The following ITSN2 variants were observed in gnomAD, a reference collection of about 807,000 sequenced individuals.
The protein encoded by ITSN2 is intersectin 2, also known as intersectin-2.
ITSN2 carries 156 observed loss-of-function variants against 243.7 expected under a neutral mutation model. The ratio of observed to expected loss-of-function variants is 0.64; its 90% CI spans 0.56 to 0.73. The LOEUF is 0.73. Among genes scored for constraint, ITSN2 ranks in the 30% least tolerant of loss-of-function variants. ITSN2 has a pLI of 0.00. For missense variants in ITSN2, 1,801 were observed against 1,996.1 expected (o/e 0.90, Z 1.86); for synonymous variants, 703 against 699.9 (o/e 1.00, Z -0.07).
chr2:24,300,945 C>G (rs1202527294), intron 11 of ITSN2, among the ~76,000 whole-genome samples: 1 of 152,186 alleles, frequency 6.6e-6, no homozygotes, highest in South Asian at 2.1e-4. Flanking sequence ...CTGTCAAATA[C>G]ATCTAACTGT....
intron 29 of ITSN2, among the ~76,000 whole-genome samples, chr2:24,228,859 A>T (rs1447732090): frequency 6.6e-6 from 1 of 152,240 alleles, no homozygotes; most frequent in African/African-American, 2.4e-5. Context: ...CAGTGAAAAG[A>T]GAGGCTCTGG....
chr2:24,339,786 G>A (rs554677513), intron 1 of ITSN2, among the ~76,000 whole-genome samples: 4 of 152,234 alleles, frequency 2.6e-5, no homozygotes, highest in African/African-American at 9.6e-5. Flanking sequence ...CAGCACTTTG[G>A]GAGGCCACAG....
At chr2:24,218,748 A>C (rs1205230740) in intron 30 of ITSN2, among the ~76,000 whole-genome samples, 1 of 152,234 alleles carries the variant, frequency 6.6e-6, no homozygotes, top group African/African-American at 2.4e-5. Flanking sequence ...TGAAAGGCCT[A>C]GGACTAAAAT....
At chr2:24,278,490 G>A (rs1389785302) in intron 17 of ITSN2, among the ~76,000 whole-genome samples, 2 of 152,082 alleles carry the variant, frequency 1.3e-5, no homozygotes, top group Admixed American at 6.5e-5. Context: ...AGCTTGCCAA[G>A]TATTTCCTCT....
Position 24,217,994 on chromosome 2 carries a change from G to C in ITSN2, c.3719C>G (p.Ala1240Gly), listed in dbSNP as rs1429251935. Residue 1240 changes from alanine to glycine, a missense_variant, in exon 31 of 40, where the codon GCA becomes GGA. Transcript: ENST00000355123. ...CCCTTCAGTGAGAAAGCCTGACTCT[G>C]CCATGCGTTTCTGAAAAACCTAAAG... The part of the protein sequence containing the change: ...LVVEVFQKRM[A>G]ESGFLTEGEM... 6.2e-7 allele frequency: 1 copy of C among 1,613,642 alleles called. No individual in the cohort carries two copies. The highest frequency in any genetic ancestry group is 1.3e-5 in the African/African-American group (1 of 74,920).
intron 1 of ITSN2, among the ~76,000 whole-genome samples, chr2:24,344,943 C>A (rs1687386162): frequency 6.6e-6 from 1 of 151,952 alleles, no homozygotes. Flanking sequence ...TAGAGTGAGA[C>A]TACATTTCAA....
intron 1 of ITSN2, among the ~76,000 whole-genome samples, chr2:24,351,049 C>T (rs1687979418): frequency 6.6e-6 from 1 of 152,298 alleles, no homozygotes; most frequent in African/African-American, 2.4e-5. Context: ...ACGTGACATA[C>T]AAGGTGTTTT....
In ITSN2 at chr2:24,313,516, T is replaced by C. The variant is rs747130333; in HGVS notation, c.132A>G (p.Gln44=). 2.5e-6 allele frequency: 4 copies of C among 1,613,262 alleles called. No homozygotes were observed. Among genetic ancestry groups the C allele is most frequent in the Admixed American group, 3.3e-5 (2 of 59,994 alleles). The change falls in exon 4 of 40, where the codon CAA becomes CAG. Residue 44 remains glutamine (Q), a synonymous_variant. Coordinates refer to ENST00000355123, the MANE Select transcript of ITSN2 (RefSeq NM_006277.3). ...CTGATTGTAGGAAAAAATTACGTGC[T>C]TGATCACCTGGAGGTAATAAAAACA... ...KPSGGYITGD[Q]ARNFFLQSGL...
chr2:24,346,860 C>CTTTT (rs10534968), intron 1 of ITSN2, among the ~76,000 whole-genome samples: 1 of 86,340 alleles, frequency 1.2e-5, no homozygotes, highest in Non-Finnish European at 2.2e-5. Flanking sequence ...GGAAATTTAT[C>CTTTT]TTTTTTTTTT....
chr2:24,220,302 G>A (rs1010975850), intron 30 of ITSN2: 68 of 984,280 alleles, frequency 6.9e-5, no homozygotes, highest in Non-Finnish European at 7.7e-5. Flanking sequence ...GAACTGAAAG[G>A]CATGGAAACA....
At chr2:24,229,638 A>T (rs1226843538) in intron 29 of ITSN2, among the ~76,000 whole-genome samples, 2 of 152,164 alleles carry the variant, frequency 1.3e-5, no homozygotes, top group Non-Finnish European at 2.9e-5. Context: ...ACACCAAGGA[A>T]TCAATATTAC....
At chr2:24,313,120 G>A (rs994957480) in intron 4 of ITSN2, among the ~76,000 whole-genome samples, 1 of 128,560 alleles carries the variant, frequency 7.8e-6, no homozygotes, top group Non-Finnish European at 1.6e-5. Context: ...GTCTCATTCT[G>A]TCATCCAGGC....
intron 29 of ITSN2, among the ~76,000 whole-genome samples, chr2:24,235,459 T>A (rs943385831): frequency 1.3e-5 from 2 of 152,178 alleles, no homozygotes; most frequent in African/African-American, 2.4e-5. Flanking sequence ...GCACCAAGAC[T>A]GAACCCTAAT....
intron 17 of ITSN2, among the ~76,000 whole-genome samples, chr2:24,276,694 C>T (rs1678052478): frequency 6.6e-6 from 1 of 152,224 alleles, no homozygotes; most frequent in African/African-American, 2.4e-5. Flanking sequence ...CAGAGCTCCT[C>T]CCATTCCCAT....
intron 2 of ITSN2, among the ~76,000 whole-genome samples, chr2:24,322,656 T>C (rs1684714199): frequency 6.6e-6 from 1 of 152,166 alleles, no homozygotes; most frequent in Non-Finnish European, 1.5e-5. Flanking sequence ...ATGTTTGTGA[T>C]TTTGGATTAT....
At chr2:24,308,166 T>C (rs1489686633) in intron 8 of ITSN2, among the ~76,000 whole-genome samples, 1 of 152,222 alleles carries the variant, frequency 6.6e-6, no homozygotes, top group African/African-American at 2.4e-5. Context: ...GGCCAAGTTT[T>C]ACAGTCACAT....
chr2:24,276,337 T>C (rs1371678337), intron 17 of ITSN2, among the ~76,000 whole-genome samples: 1 of 152,228 alleles, frequency 6.6e-6, no homozygotes, highest in African/African-American at 2.4e-5. Flanking sequence ...CCTAAAATCA[T>C]GACCACCATG....
chr2:24,208,173 G>T, intron 37 of ITSN2, 64 bp downstream of exon 37: 1 of 1,317,072 alleles, frequency 7.6e-7, no homozygotes, highest in Admixed American at 1.7e-5. Flanking sequence ...CTGACTGCAG[G>T]AGCAGTGGCC....
chr2:24,324,853 CAAAAAAAAAAAAAAAAAA>C (rs10554094), intron 2 of ITSN2, among the ~76,000 whole-genome samples: 1 of 59,288 alleles, frequency 1.7e-5, no homozygotes, highest in Non-Finnish European at 3.0e-5. Flanking sequence ...GACCCTGTCT[CAAAAAAAAAAAAAAAAAA>C]AAAAAAAATG....
Sources: allele counts gnomAD v4.1 joint callset (sites outside exome capture counted in the v4.1 genomes callset), GRCh38; gene constraint gnomAD v4.1.1; transcripts MANE v1.5; gene names NCBI Gene and HGNC (gene_info 2026-07-23, HGNC 2026-07-21).